L3MBTL4: variants seen among roughly 807,000 people sequenced by gnomAD.
L3MBTL4 encodes the protein lethal(3)malignant brain tumor-like protein 4.
Under a neutral mutation model 84.5 loss-of-function variants are expected in L3MBTL4, and 70 were observed. That is an observed-to-expected ratio of 0.83 (90% CI 0.68 to 1.01). The LOEUF (loss-of-function observed/expected upper bound fraction) is 1.01, where lower values mean the gene tolerates loss of function less well. Ranked by LOEUF, L3MBTL4 falls within the 50% of genes least tolerant of loss-of-function variation. L3MBTL4 has a pLI of 0.00. For missense variants in L3MBTL4, 715 were observed against 754.8 expected, an observed-to-expected ratio of 0.95 and a Z score of 0.62; for synonymous variants, 274 against 259.8, an observed-to-expected ratio of 1.05 and a Z score of -0.52.
At chr18:6,154,403 T>C (rs1189411400) in intron 13 of L3MBTL4, among the ~76,000 whole-genome samples, 2 of 151,974 alleles carry the variant, frequency 1.3e-5, no homozygotes, top group African/African-American at 4.8e-5. Flanking sequence ...AATTCAAATA[T>C]ATATGAAAAA....
chr18:6,307,012 G>A (rs1287830545), intron 3 of L3MBTL4, among the ~76,000 whole-genome samples: 1 of 152,024 alleles, frequency 6.6e-6, no homozygotes, highest in African/African-American at 2.4e-5. Context: ...TATCACACAC[G>A]TCACCTTCTC....
intron 1 of L3MBTL4, among the ~76,000 whole-genome samples, chr18:6,362,768 G>A (rs1476317256): frequency 6.6e-6 from 1 of 152,196 alleles, no homozygotes; most frequent in Non-Finnish European, 1.5e-5. Flanking sequence ...TTTCTGTACA[G>A]GGTATTGGAA....
chr18:6,285,869 G>A (rs991709482), intron 4 of L3MBTL4, among the ~76,000 whole-genome samples: 2 of 150,142 alleles, frequency 1.3e-5, no homozygotes. Flanking sequence ...GTCTCACTCT[G>A]TCACCAGGCT....
chr18:5,982,337 T>G (rs1032037636), intron 16 of L3MBTL4, among the ~76,000 whole-genome samples: 2 of 152,224 alleles, frequency 1.3e-5, no homozygotes, highest in Non-Finnish European at 2.9e-5. Context: ...AGCTTCTGGC[T>G]TTCTTTACAG....
chr18:6,236,330 T>C (rs990288899), intron 10 of L3MBTL4, among the ~76,000 whole-genome samples: 9 of 152,192 alleles, frequency 5.9e-5, no homozygotes, highest in African/African-American at 1.9e-4. Context: ...AGGGAAATAA[T>C]AGTCTTTTGT....
intron 10 of L3MBTL4, among the ~76,000 whole-genome samples, chr18:6,233,917 T>C (rs1362116028): frequency 6.6e-6 from 1 of 152,086 alleles, no homozygotes; most frequent in Non-Finnish European, 1.5e-5. Flanking sequence ...CTTCAAACTA[T>C]ACTACAAGAC....
chr18:5,969,635 C>T (rs558304288), intron 16 of L3MBTL4, 73 bp from the exon 17 acceptor site: 86 of 1,479,660 alleles, frequency 5.8e-5, no homozygotes, highest in South Asian at 1.1e-4. Context: ...CCCCGCAGTC[C>T]GGAGGGCCCA....
intron 16 of L3MBTL4, among the ~76,000 whole-genome samples, chr18:6,054,651 TATCTC>T (rs930433158): frequency 8.5e-5 from 13 of 152,346 alleles, no homozygotes; most frequent in Admixed American, 7.8e-4. Flanking sequence ...GCCTGGCACT[TATCTC>T]AGCTGTAACC....
At chr18:6,101,188 G>T (rs369867615) in intron 14 of L3MBTL4, among the ~76,000 whole-genome samples, 37 of 152,098 alleles carry the variant, frequency 2.4e-4, no homozygotes, top group African/African-American at 8.5e-4. Context: ...TGTTCCATTG[G>T]CTTTTCCAGG....
intron 4 of L3MBTL4, among the ~76,000 whole-genome samples, chr18:6,278,219 G>T (rs886745411): frequency 6.6e-6 from 1 of 151,952 alleles, no homozygotes; most frequent in Non-Finnish European, 1.5e-5. Context: ...TATATTTGCT[G>T]TTACATTATG....
chr18:6,274,445 C>T (rs1374157470), intron 4 of L3MBTL4, among the ~76,000 whole-genome samples: 3 of 152,314 alleles, frequency 2.0e-5, no homozygotes, highest in Admixed American at 1.3e-4. Flanking sequence ...CCATGAGTCT[C>T]CATCCTCCCC....
In L3MBTL4 at chr18:5,964,542, G is replaced by C. The variant is rs867428822; in HGVS notation, c.1615-4386C>G. On this transcript the variant is annotated intron_variant, in intron 17 of 18. Transcript: ENST00000317931. ...TTTTCTAAGGGCCCAATTGTATAAG[G>C]CTGCTCTGCTTATGAGCAATACCCC... is the stretch of plus-strand genomic sequence containing the variant. Among the ~76,000 whole-genome samples the C allele has an allele frequency of 2.0e-5, 3 of 151,996 alleles. No individual in the cohort carries two copies. In the Middle Eastern group the frequency reaches 0.01, roughly 517 times the overall value.
intron 1 of L3MBTL4, among the ~76,000 whole-genome samples, chr18:6,411,699 G>A (rs939684161): frequency 3.3e-5 from 5 of 152,142 alleles, no homozygotes; most frequent in African/African-American, 1.2e-4. Context: ...TTCTCTCAAT[G>A]CTAGTTTAGT....
intron 1 of L3MBTL4, among the ~76,000 whole-genome samples, chr18:6,316,217 A>G (rs1313382202): frequency 6.6e-6 from 1 of 151,490 alleles, no homozygotes; most frequent in African/African-American, 2.4e-5. Context: ...ACATCACTGG[A>G]CCCCTTGCAG....
chr18:6,302,545 T>C (rs994564330), intron 3 of L3MBTL4, among the ~76,000 whole-genome samples: 13 of 152,222 alleles, frequency 8.5e-5, no homozygotes, highest in Admixed American at 5.2e-4. Flanking sequence ...CCTGCAACTC[T>C]TGAAGGAACA....
intron 12 of L3MBTL4, among the ~76,000 whole-genome samples, chr18:6,198,803 G>T (rs143494690): frequency 5.9e-4 from 90 of 152,308 alleles, no homozygotes; most frequent in African/African-American, 2.1e-3. Flanking sequence ...TGTAATACTA[G>T]AGAATAGTTA....
At chr18:6,106,042 T>C (rs1484658273) in intron 14 of L3MBTL4, among the ~76,000 whole-genome samples, 1 of 152,174 alleles carries the variant, frequency 6.6e-6, no homozygotes, top group African/African-American at 2.4e-5. Flanking sequence ...ATTCTCAAAA[T>C]ACCCCTGTGA....
At chr18:6,092,827 T>C (rs1023029890) in intron 15 of L3MBTL4, among the ~76,000 whole-genome samples, 1 of 152,224 alleles carries the variant, frequency 6.6e-6, no homozygotes, top group Non-Finnish European at 1.5e-5. Context: ...GTATTTAGAA[T>C]CACGAGTTTA....
At chr18:6,025,456 A>C (rs1333496038) in intron 16 of L3MBTL4, among the ~76,000 whole-genome samples, 1 of 152,188 alleles carries the variant, frequency 6.6e-6, no homozygotes, top group Admixed American at 6.5e-5. Flanking sequence ...TCATGCTATC[A>C]GTGTCTGATT....
Sources: gnomAD v4.1 joint callset for allele counts (sites outside exome capture counted in the v4.1 genomes callset) on GRCh38, gnomAD v4.1.1 for gene constraint, MANE v1.5 for transcripts, NCBI Gene and HGNC (gene_info 2026-07-23, HGNC 2026-07-21) for gene names.